Variants in SNX29 observed in about 807,000 individuals in gnomAD.
SNX29 encodes sorting nexin-29.
Under a neutral mutation model 102.1 loss-of-function variants are expected in SNX29, and 78 were observed. That is an observed-to-expected ratio of 0.76 (90% confidence interval 0.64 to 0.92). The LOEUF (loss-of-function observed/expected upper bound fraction) is 0.92. Ranked by LOEUF, SNX29 falls within the 40% of genes least tolerant of loss-of-function variation. SNX29 has a pLI of 0.00. For synonymous variants in SNX29, 580 were observed against 414.5 expected (o/e 1.40, Z -4.85); for missense variants, 1,280 against 1,061.7 (o/e 1.21, Z -2.86).
intron 15 of SNX29, among the ~76,000 whole-genome samples, chr16:12,335,994 AGTCT>A (rs1175916498): frequency 6.6e-6 from 1 of 152,174 alleles, no homozygotes; most frequent in Non-Finnish European, 1.5e-5. Flanking sequence ...CCGGGAAGAC[AGTCT>A]GTCTGGGTCT....
At chr16:12,470,414 C>G (rs2087279649) in intron 18 of SNX29, among the ~76,000 whole-genome samples, 1 of 152,192 alleles carries the variant, frequency 6.6e-6, no homozygotes, top group African/African-American at 2.4e-5. Context: ...CATCAAGTAT[C>G]TCCTACGAGG....
rs145848080 is a variant in SNX29 at position 12,153,243 on chromosome 16, A to G, written c.1595+23485A>G. ...GTGCCACTGCACTCCAGCCTGGGCA[A>G]CAGAGCAAGACCCTGTCTCTGAATG... is the stretch of plus-strand genomic sequence containing the variant. On this transcript the variant is annotated intron_variant, in intron 13 of 20. Coordinates refer to ENST00000566228, the MANE Select transcript of SNX29 (RefSeq NM_032167.5). Among the ~76,000 whole-genome samples the G allele has an allele frequency of 7.6e-3, 1,162 of 152,044 alleles. 16 individuals are homozygous for G. Among genetic ancestry groups the G allele is most frequent in the African/African-American group, 0.027 (1,107 of 41,482 alleles).
chr16:12,243,250 C>G (rs1339268673), intron 14 of SNX29, among the ~76,000 whole-genome samples: 1 of 152,226 alleles, frequency 6.6e-6, no homozygotes, highest in Admixed American at 6.5e-5. Context: ...GGGCGTATGC[C>G]AGATACTGGG....
At chr16:12,172,881 G>T (rs941682236) in intron 13 of SNX29, among the ~76,000 whole-genome samples, 1 of 152,214 alleles carries the variant, frequency 6.6e-6, no homozygotes, top group Non-Finnish European at 1.5e-5. Flanking sequence ...TTTGTGGGCC[G>T]TATGGTCTTC....
intron 11 of SNX29, among the ~76,000 whole-genome samples, chr16:12,111,758 C>A (rs576378115): frequency 6.6e-6 from 1 of 152,224 alleles, no homozygotes; most frequent in South Asian, 2.1e-4. Flanking sequence ...TTAGGAAAGC[C>A]TGAGTGAGAG....
chr16:12,497,791 A>G (rs901530801), intron 19 of SNX29, among the ~76,000 whole-genome samples: 2 of 152,098 alleles, frequency 1.3e-5, no homozygotes, highest in Non-Finnish European at 2.9e-5. Flanking sequence ...AGGCAGAAAG[A>G]GCATATTGTT....
At chr16:12,411,662 A>T (rs1377854165) in intron 18 of SNX29, among the ~76,000 whole-genome samples, 3 of 152,210 alleles carry the variant, frequency 2.0e-5, no homozygotes, top group Admixed American at 6.5e-5. Flanking sequence ...GTGGGAGCCA[A>T]ACTTGACATT....
intron 19 of SNX29, among the ~76,000 whole-genome samples, chr16:12,508,776 C>T (rs990176137): frequency 6.6e-6 from 1 of 152,134 alleles, no homozygotes; most frequent in Non-Finnish European, 1.5e-5. Flanking sequence ...TGCCACGCCA[C>T]CTTCTCTCTC....
chr16:12,182,780 A>T, intron 13 of SNX29, among the ~76,000 whole-genome samples: 1 of 151,876 alleles, frequency 6.6e-6, no homozygotes, highest in Non-Finnish European at 1.5e-5. Context: ...AAATGCAAAA[A>T]AAAATTAGCC....
intron 15 of SNX29, among the ~76,000 whole-genome samples, chr16:12,327,519 C>T (rs913675937): frequency 2.6e-5 from 4 of 152,134 alleles, no homozygotes; most frequent in African/African-American, 9.7e-5. Flanking sequence ...TCTGTCTTGT[C>T]CTTCTAAGAA....
intron 20 of SNX29, among the ~76,000 whole-genome samples, chr16:12,554,535 C>A (rs1357261230): frequency 6.6e-6 from 1 of 152,226 alleles, no homozygotes; most frequent in Non-Finnish European, 1.5e-5. Flanking sequence ...CATTCTCGCC[C>A]ACGTTTTTGT....
intron 18 of SNX29, among the ~76,000 whole-genome samples, chr16:12,408,409 T>C (rs1408035935): frequency 1.3e-5 from 2 of 152,222 alleles, no homozygotes; most frequent in East Asian, 3.8e-4. Context: ...ATGGTTTGCT[T>C]TGGAAAGTTG....
At chr16:12,547,831 G>A (rs1301365003) in intron 20 of SNX29, among the ~76,000 whole-genome samples, 4 of 152,192 alleles carry the variant, frequency 2.6e-5, no homozygotes, top group Non-Finnish European at 5.9e-5. Context: ...GCCTTACTGA[G>A]CCCCAGATTC....
chr16:12,138,022 A>G (rs1335263479), intron 13 of SNX29, among the ~76,000 whole-genome samples: 1 of 152,108 alleles, frequency 6.6e-6, no homozygotes, highest in African/African-American at 2.4e-5. Context: ...TCAACAGAAA[A>G]GAGTGTTGTT....
At chr16:12,490,335 CA>C (rs1166579825) in intron 19 of SNX29, among the ~76,000 whole-genome samples, 10 of 152,342 alleles carry the variant, frequency 6.6e-5, no homozygotes, top group Non-Finnish European at 1.5e-4. Context: ...TTTCTCTCAG[CA>C]TCACATCTGT....
intron 10 of SNX29, among the ~76,000 whole-genome samples, chr16:12,076,143 C>G (rs976537094): frequency 2.0e-5 from 3 of 152,162 alleles, no homozygotes; most frequent in Non-Finnish European, 4.4e-5. Flanking sequence ...CCTCACCCTG[C>G]TTTGGCTGGT....
chr16:12,034,894 C>T (rs1191006055), intron 4 of SNX29, among the ~76,000 whole-genome samples: 1 of 152,100 alleles, frequency 6.6e-6, no homozygotes, highest in Non-Finnish European at 1.5e-5. Context: ...ACCTGTAATT[C>T]CAGCTACTTG....
At chr16:12,304,012 A>G (rs1313077172) in intron 15 of SNX29, among the ~76,000 whole-genome samples, 2 of 152,202 alleles carry the variant, frequency 1.3e-5, no homozygotes, top group African/African-American at 4.8e-5. Flanking sequence ...AAATGGTCAT[A>G]GTGTTTTCTG....
chr16:12,180,628 C>T (rs945649407), intron 13 of SNX29, among the ~76,000 whole-genome samples: 8 of 152,054 alleles, frequency 5.3e-5, no homozygotes, highest in Non-Finnish European at 7.4e-5. Flanking sequence ...GGACTACAGG[C>T]GCCCGCCACC....
Sources: gnomAD v4.1 joint callset for allele counts (sites outside exome capture counted in the v4.1 genomes callset) on GRCh38, gnomAD v4.1.1 for gene constraint, MANE v1.5 for transcripts, NCBI Gene and HGNC (gene_info 2026-07-23, HGNC 2026-07-21) for gene names.